The following APCDD1L variants were observed in gnomAD, a reference collection of about 807,000 sequenced individuals.
APCDD1L encodes protein APCDD1-like.
Under a neutral mutation model 24.2 loss-of-function variants are expected in APCDD1L, and 21 were observed. The observed-to-expected ratio is 0.87, with a 90% CI of 0.61 to 1.25. APCDD1L has a LOEUF of 1.25. APCDD1L is among the 50% of genes most tolerant of loss of function. APCDD1L has a pLI of 0.00. For synonymous variants in APCDD1L, 321 were observed against 323.6 expected, an observed-to-expected ratio of 0.99 and a Z score of 0.09; for missense variants, 704 against 711.7, an observed-to-expected ratio of 0.99 and a Z score of 0.12.
chr20:58,473,472 C>T (rs779297871), intron 1 of APCDD1L, among the ~76,000 whole-genome samples: 3 of 152,212 alleles, frequency 2.0e-5, no homozygotes, highest in Non-Finnish European at 1.5e-5. Context: ...AGGAGCATCA[C>T]GTGGCCTCTT....
In APCDD1L at chr20:58,467,470, T is replaced by G; in HGVS notation, c.377A>C (p.Asp126Ala). The G allele has an allele frequency of 6.3e-7, 1 of 1,595,920 alleles. No homozygotes were observed. Among genetic ancestry groups the G allele is most frequent in the Non-Finnish European group, 8.5e-7 (1 of 1,172,538 alleles). The stretch of plus-strand genomic sequence containing the variant: ...GATGCCCACCTTGTGCAGGTGGTAG[T>G]CGGCCTCGGTGGCTCCCCGGGTGAC... ...SWVTRGATEA[D>A]YHLHKVGIVF... The change falls in exon 3 of 4, where the codon GAC (aspartate) becomes GCC (alanine). Residue 126 changes from aspartate to alanine, a missense_variant. Physicochemically the swap from Asp to Ala is moderately radical, Grantham distance 126 (BLOSUM62 -2). Transcript: ENST00000371149. The surrounding 1 kb of genome is among the most constrained non-coding windows in gnomAD (Gnocchi z 5.9).
chr20:58,471,334 C>T (rs75728660), intron 1 of APCDD1L, among the ~76,000 whole-genome samples: 317 of 152,352 alleles, frequency 2.1e-3, no homozygotes, highest in African/African-American at 7.1e-3. Context: ...GCTATCTACT[C>T]GGTGCTCAGC....
chr20:58,495,387 T>C (rs1208891135), intron 1 of APCDD1L, among the ~76,000 whole-genome samples: 21 of 152,198 alleles, frequency 1.4e-4, no homozygotes, highest in Admixed American at 1.4e-3. Flanking sequence ...AAGCCGGCCC[T>C]TGGGGCCAGA....
intron 1 of APCDD1L, among the ~76,000 whole-genome samples, chr20:58,490,340 C>T (rs1990201466): frequency 6.6e-6 from 1 of 152,224 alleles, no homozygotes; most frequent in Admixed American, 6.5e-5. Context: ...CCTGTCTCTC[C>T]ACTGCCCCAT....
In APCDD1L at chr20:58,467,068, AC is replaced by A; in HGVS notation, c.741+37del. 6.4e-7 allele frequency: 1 copy of A among 1,552,176 alleles called. No individual in the cohort carries two copies. The highest frequency in any genetic ancestry group is 8.7e-7 in the Non-Finnish European group (1 of 1,152,736). On this transcript the variant is annotated intron_variant, in intron 3 of 3. Transcript: ENST00000371149. This position sits in a 1 kb window ranked among gnomAD's most constrained non-coding sequence, Gnocchi z 5.9. ...GTTCCGAGCTCGCCTCCCCGAGACC[AC>A]CACCCCCCTCTCCCACACCCCAACA...
intron 1 of APCDD1L, among the ~76,000 whole-genome samples, chr20:58,513,045 G>A (rs897055683): frequency 6.6e-6 from 1 of 152,176 alleles, no homozygotes; most frequent in East Asian, 1.9e-4. Flanking sequence ...TTGGCATGAC[G>A]GGAAGCTCCG....
At chr20:58,509,956 A>T (rs987418495) in intron 1 of APCDD1L, among the ~76,000 whole-genome samples, 2 of 151,398 alleles carry the variant, frequency 1.3e-5, no homozygotes, top group African/African-American at 4.9e-5. Flanking sequence ...GACCTTGTCC[A>T]CTCTCCACCC....
intron 1 of APCDD1L, chr20:58,514,047 C>T (rs1990685029): frequency 1.9e-6 from 2 of 1,058,526 alleles, no homozygotes; most frequent in African/African-American, 1.7e-5. Flanking sequence ...CTACTCCCCA[C>T]CCCCACGAAG....
chr20:58,472,953 A>G (rs1425125605), intron 1 of APCDD1L, among the ~76,000 whole-genome samples: 1 of 152,216 alleles, frequency 6.6e-6, no homozygotes, highest in African/African-American at 2.4e-5. Context: ...GGCTTCTGCA[A>G]TCTGCTTCTT....
intron 1 of APCDD1L, among the ~76,000 whole-genome samples, chr20:58,490,566 C>A (rs1489787786): frequency 6.6e-6 from 1 of 152,216 alleles, no homozygotes; most frequent in Non-Finnish European, 1.5e-5. Flanking sequence ...GTAAGCTGAT[C>A]CCCCAAGTGC....
rs1600871447 is a variant in APCDD1L, at chr20:58,497,038, C to T, written c.49+17621G>A. ...ATACTAGAAGGTCTGAACTTGCAGA[C>T]ACCGGCCAGTGACAGGGGCCCTTTG... On this transcript the variant is annotated intron_variant, in intron 1 of 3. Transcript: ENST00000371149. The surrounding 1 kb of genome is among the most constrained non-coding windows in gnomAD (Gnocchi z 4.3). 6.6e-6 allele frequency among the ~76,000 whole-genome samples: 1 copy of T among 152,202 alleles called. No homozygotes were observed. The highest frequency in any genetic ancestry group is 2.4e-5 in the African/African-American group (1 of 41,434).
At chr20:58,479,593 C>CTTTTT (rs10580833) in intron 1 of APCDD1L, among the ~76,000 whole-genome samples, 1 of 125,412 alleles carries the variant, frequency 8.0e-6, no homozygotes. Context: ...TTAAGATTTG[C>CTTTTT]TTTTTTTTTT....
At chr20:58,462,212 T>C (rs966869261) in intron 3 of APCDD1L, among the ~76,000 whole-genome samples, 4 of 152,186 alleles carry the variant, frequency 2.6e-5, no homozygotes, top group Non-Finnish European at 4.4e-5. Flanking sequence ...GATCTTTTTC[T>C]AGCTCACTCT....
chr20:58,500,222 C>T (rs767647925), intron 1 of APCDD1L, among the ~76,000 whole-genome samples: 2 of 152,282 alleles, frequency 1.3e-5, no homozygotes, highest in Non-Finnish European at 2.9e-5. Flanking sequence ...GATTTTTTCA[C>T]TTAATTTGTA....
At chr20:58,487,547 C>T (rs181265149) in intron 1 of APCDD1L, among the ~76,000 whole-genome samples, 135 of 152,136 alleles carry the variant, frequency 8.9e-4, no homozygotes, top group African/African-American at 2.8e-3. Flanking sequence ...AATTGGATTT[C>T]GAAACCCCTA....
intron 1 of APCDD1L, among the ~76,000 whole-genome samples, chr20:58,482,239 G>A (rs893270195): frequency 6.6e-6 from 1 of 152,134 alleles, no homozygotes. Context: ...ATCATGTTTC[G>A]GAAAACCCAT....
chr20:58,474,017 G>T (rs1181708356), intron 1 of APCDD1L, among the ~76,000 whole-genome samples: 4 of 152,184 alleles, frequency 2.6e-5, no homozygotes, highest in African/African-American at 4.8e-5. Context: ...ATACCATATG[G>T]ACCTGCCTGG....
intron 1 of APCDD1L, among the ~76,000 whole-genome samples, chr20:58,501,773 CAG>C (rs1445423268): frequency 6.6e-6 from 1 of 152,196 alleles, no homozygotes; most frequent in Non-Finnish European, 1.5e-5. Context: ...ACTCAGCAAC[CAG>C]AGAGCCTTTT....
intron 1 of APCDD1L, among the ~76,000 whole-genome samples, chr20:58,477,470 G>A (rs945011946): frequency 1.3e-5 from 2 of 152,200 alleles, no homozygotes; most frequent in East Asian, 1.9e-4. Context: ...TTGTGGAAGC[G>A]ATGGTGTATC....
Sources: allele counts gnomAD v4.1 joint callset (sites outside exome capture counted in the v4.1 genomes callset), GRCh38; gene constraint gnomAD v4.1.1; non-coding constraint Gnocchi (gnomAD v3.1); transcripts MANE v1.5; gene names NCBI Gene and HGNC (gene_info 2026-07-23, HGNC 2026-07-21).